Variants in ARHGAP24 observed in about 807,000 individuals in gnomAD.
The protein encoded by ARHGAP24 is Rho GTPase activating protein 24, also known as rho GTPase-activating protein 24.
In ARHGAP24, 50 loss-of-function variants were observed where a neutral mutation model predicts 76.4. That is an observed-to-expected ratio of 0.65 (90% CI 0.52 to 0.83). The LOEUF is 0.83. Ranked by LOEUF, ARHGAP24 falls within the 40% of genes least tolerant of loss-of-function variation. ARHGAP24 has a pLI of 0.00. For missense variants in ARHGAP24, 930 were observed against 914.2 expected, an observed-to-expected ratio of 1.02 and a Z score of -0.22; for synonymous variants, 345 against 323.3, an observed-to-expected ratio of 1.07 and a Z score of -0.72.
chr4:85,740,792 C>G (rs1725794049), intron 3 of ARHGAP24, among the ~76,000 whole-genome samples: 2 of 152,264 alleles, frequency 1.3e-5, no homozygotes, highest in South Asian at 4.1e-4. Context: ...CTCTTCCTTG[C>G]AATCATCCTC....
intron 1 of ARHGAP24, among the ~76,000 whole-genome samples, chr4:85,555,659 T>G (rs1726326967): frequency 6.6e-6 from 1 of 152,252 alleles, no homozygotes; most frequent in Non-Finnish European, 1.5e-5. Context: ...AGGCTTTATG[T>G]TCCTTTCTAG....
At chr4:85,493,080 G>A (rs563822676) in intron 1 of ARHGAP24, among the ~76,000 whole-genome samples, 1 of 152,324 alleles carries the variant, frequency 6.6e-6, no homozygotes, top group South Asian at 2.1e-4. Flanking sequence ...TTTTTGGCAA[G>A]AGTACCATAG....
At chr4:85,746,473 C>A (rs1726042140) in intron 3 of ARHGAP24, among the ~76,000 whole-genome samples, 1 of 152,058 alleles carries the variant, frequency 6.6e-6, no homozygotes, top group African/African-American at 2.4e-5. Flanking sequence ...TATACTAGTT[C>A]TTGTGTTTGT....
chr4:85,934,413 C>T (rs1736513991), intron 4 of ARHGAP24, among the ~76,000 whole-genome samples: 1 of 152,224 alleles, frequency 6.6e-6, no homozygotes, highest in African/African-American at 2.4e-5. Context: ...CAACTTTATG[C>T]TCTCTTCAAG....
rs146067903 is a variant in ARHGAP24, at chr4:85,934,290, C to T, written c.392-7776C>T. Among the ~76,000 whole-genome samples, 1,141 of 152,290 alleles carry T rather than the reference C, an allele frequency of 7.5e-3. 9 individuals carry two copies. Among genetic ancestry groups the T allele is most frequent in the South Asian group, 0.039 (188 of 4,816 alleles). On this transcript the variant is annotated intron_variant, in intron 4 of 9. Coordinates refer to ENST00000395184, the MANE Select transcript of ARHGAP24 (RefSeq NM_001025616.3). The stretch of plus-strand genomic sequence containing the variant: ...AACAATTCCCTGGAGTATAAGCCCC[C>T]TAATTCCCCAGACTATTTCATCCTT...
intron 3 of ARHGAP24, among the ~76,000 whole-genome samples, chr4:85,792,988 A>G (rs923884180): frequency 6.6e-6 from 1 of 152,192 alleles, no homozygotes; most frequent in African/African-American, 2.4e-5. Flanking sequence ...TTTTTCTGGC[A>G]TCATAAATTA....
chr4:85,613,020 A>G (rs1477025323), intron 2 of ARHGAP24, among the ~76,000 whole-genome samples: 1 of 149,934 alleles, frequency 6.7e-6, no homozygotes, highest in Non-Finnish European at 1.5e-5. Context: ...CTGGTCTTGA[A>G]CTCCTGGGCT....
intron 2 of ARHGAP24, among the ~76,000 whole-genome samples, chr4:85,643,048 C>A (rs57664680): frequency 0.066 from 9,912 of 149,450 alleles, 1,083 homozygotes; most frequent in African/African-American, 0.23. Flanking sequence ...CTTCCTCAAG[C>A]CTTTCCTCTA....
intron 3 of ARHGAP24, among the ~76,000 whole-genome samples, chr4:85,767,722 T>C (rs1726983930): frequency 6.6e-6 from 1 of 152,220 alleles, no homozygotes; most frequent in South Asian, 2.1e-4. Context: ...ACAGAATATT[T>C]TCTAGCTGAT....
chr4:85,682,636 A>T (rs1370012243), intron 2 of ARHGAP24, among the ~76,000 whole-genome samples: 1 of 152,200 alleles, frequency 6.6e-6, no homozygotes, highest in Non-Finnish European at 1.5e-5. Context: ...AATGCAAAAG[A>T]TCATAGTTAA....
intron 5 of ARHGAP24, among the ~76,000 whole-genome samples, chr4:85,957,066 A>C (rs1267909076): frequency 2.0e-5 from 3 of 152,018 alleles, no homozygotes; most frequent in African/African-American, 7.2e-5. Context: ...TTTCTTTACT[A>C]TCTGATTGGT....
chr4:85,674,580 A>G (rs1722910915), intron 2 of ARHGAP24, among the ~76,000 whole-genome samples: 1 of 152,206 alleles, frequency 6.6e-6, no homozygotes, highest in Non-Finnish European at 1.5e-5. Flanking sequence ...TTAACATCAC[A>G]CAGTTAGTAA....
chr4:85,919,647 A>G (rs1735615538), intron 3 of ARHGAP24, among the ~76,000 whole-genome samples: 1 of 152,162 alleles, frequency 6.6e-6, no homozygotes, highest in Non-Finnish European at 1.5e-5. Flanking sequence ...ACTGGCAGAG[A>G]TAAAGCATCA....
chr4:85,809,560 A>C (rs1728926920), intron 3 of ARHGAP24, among the ~76,000 whole-genome samples: 1 of 152,068 alleles, frequency 6.6e-6, no homozygotes, highest in African/African-American at 2.4e-5. Context: ...GTTAGCACCC[A>C]CTCTTTTTTT....
At chr4:85,773,320 A>G (rs182482765) in intron 3 of ARHGAP24, among the ~76,000 whole-genome samples, 21 of 152,252 alleles carry the variant, frequency 1.4e-4, no homozygotes, top group African/African-American at 5.1e-4. Flanking sequence ...AAATCTTTCA[A>G]TGGATACCCA....
At chr4:85,875,974 C>T (rs916879406) in intron 3 of ARHGAP24, among the ~76,000 whole-genome samples, 1 of 151,892 alleles carries the variant, frequency 6.6e-6, no homozygotes, top group African/African-American at 2.4e-5. Flanking sequence ...AACTTCTGAC[C>T]TCAGGTGATC....
chr4:85,585,448 C>T (rs1727817534), intron 2 of ARHGAP24, among the ~76,000 whole-genome samples: 2 of 152,168 alleles, frequency 1.3e-5, no homozygotes, highest in South Asian at 4.1e-4. Flanking sequence ...CTGTTGAATC[C>T]ACCTCTGGTG....
At chr4:85,765,497 G>T (rs73833244) in intron 3 of ARHGAP24, among the ~76,000 whole-genome samples, 2,256 of 152,162 alleles carry the variant, frequency 0.015, 65 homozygotes, top group African/African-American at 0.051. Context: ...AAAATAATTA[G>T]TCATGAAAAG....
chr4:85,635,107 G>A (rs1339090709), intron 2 of ARHGAP24, among the ~76,000 whole-genome samples: 1 of 151,778 alleles, frequency 6.6e-6, no homozygotes, highest in Admixed American at 6.6e-5. Flanking sequence ...TTTTCATAGC[G>A]AGTATAAAAA....
Sources: gnomAD v4.1 joint callset for allele counts (sites outside exome capture counted in the v4.1 genomes callset) on GRCh38, gnomAD v4.1.1 for gene constraint, MANE v1.5 for transcripts, NCBI Gene and HGNC (gene_info 2026-07-23, HGNC 2026-07-21) for gene names.